Variants in PTPRK observed in about 807,000 individuals in gnomAD.
PTPRK encodes the protein receptor-type tyrosine-protein phosphatase kappa.
A neutral mutation model predicts 178.0 loss-of-function variants in PTPRK; 75 were observed. That is an observed-to-expected ratio of 0.42 (90% CI 0.35 to 0.51). PTPRK has a LOEUF of 0.51. PTPRK is among the 20% of genes least tolerant of loss of function. The pLI is 0.02. For missense variants in PTPRK, 1,441 were observed against 1,797.8 expected (o/e 0.80, Z 3.59); for synonymous variants, 637 against 620.6 (o/e 1.03, Z -0.39).
chr6:128,135,913 C>T (rs985094081), intron 7 of PTPRK, among the ~76,000 whole-genome samples: 3 of 151,924 alleles, frequency 2.0e-5, no homozygotes, highest in Non-Finnish European at 2.9e-5. Flanking sequence ...GTCAGATATA[C>T]CAATGAATAA....
chr6:128,130,329 T>C (rs924143775), intron 7 of PTPRK, among the ~76,000 whole-genome samples: 28 of 152,288 alleles, frequency 1.8e-4, no homozygotes, highest in Non-Finnish European at 3.2e-4. Flanking sequence ...AGCCTGCCTT[T>C]CTTCAAATCA....
intron 3 of PTPRK, among the ~76,000 whole-genome samples, chr6:128,292,103 G>A (rs7746709): frequency 0.053 from 8,019 of 152,074 alleles, 699 homozygotes; most frequent in African/African-American, 0.18. Context: ...AAATAAATCC[G>A]TAGGTATCAA....
intron 1 of PTPRK, among the ~76,000 whole-genome samples, chr6:128,496,846 C>A (rs991396509): frequency 3.9e-5 from 6 of 152,074 alleles, no homozygotes; most frequent in African/African-American, 7.2e-5. Context: ...ACTCTCATAA[C>A]ACAATTATTT....
At chr6:128,112,388 A>T (rs1790822425) in intron 7 of PTPRK, among the ~76,000 whole-genome samples, 1 of 152,108 alleles carries the variant, frequency 6.6e-6, no homozygotes, top group African/African-American at 2.4e-5. Context: ...AAAGACATTA[A>T]AAAGAAAAAT....
intron 1 of PTPRK, among the ~76,000 whole-genome samples, chr6:128,427,628 A>G (rs1028524894): frequency 1.3e-5 from 2 of 152,236 alleles, no homozygotes; most frequent in Admixed American, 6.5e-5. Context: ...TTCATTAAAT[A>G]CATTTAATGA....
At chr6:128,170,708 AACG>A (rs1349959327) in intron 7 of PTPRK, among the ~76,000 whole-genome samples, 3 of 151,974 alleles carry the variant, frequency 2.0e-5, no homozygotes, top group Non-Finnish European at 4.4e-5. Context: ...AAGAAATTAA[AACG>A]ACAATTCCTT....
intron 1 of PTPRK, among the ~76,000 whole-genome samples, chr6:128,407,633 CAAAAAA>C (rs56189580): frequency 1.8e-4 from 18 of 97,760 alleles, no homozygotes; most frequent in South Asian, 3.8e-4. Flanking sequence ...AAGACCCTAT[CAAAAAA>C]AAAAAAAAAA....
chr6:128,285,913 A>G (rs572605314), intron 3 of PTPRK, among the ~76,000 whole-genome samples: 2 of 152,234 alleles, frequency 1.3e-5, no homozygotes, highest in East Asian at 3.9e-4. Flanking sequence ...GGGCACCAGA[A>G]AGTTCTACTT....
intron 13 of PTPRK, among the ~76,000 whole-genome samples, chr6:128,052,817 A>G (rs1432130386): frequency 2.0e-5 from 3 of 152,018 alleles, no homozygotes; most frequent in Non-Finnish European, 4.4e-5. Context: ...GTGCTTTCCT[A>G]TTTTATTCAG....
chr6:128,038,387 C>T (rs1050207473), intron 13 of PTPRK, among the ~76,000 whole-genome samples: 8 of 151,938 alleles, frequency 5.3e-5, no homozygotes, highest in Admixed American at 2.0e-4. Context: ...TTTGCCTCTA[C>T]CAACTAGCTT....
At chr6:128,246,042 A>T (rs73592613) in intron 3 of PTPRK, among the ~76,000 whole-genome samples, 9,736 of 152,252 alleles carry the variant, frequency 0.064, 816 homozygotes, top group African/African-American at 0.19. Context: ...GGTGCTATCT[A>T]AACTAAAAGG....
At chr6:128,092,237 C>T (rs1787102802) in intron 7 of PTPRK, among the ~76,000 whole-genome samples, 1 of 152,090 alleles carries the variant, frequency 6.6e-6, no homozygotes, top group Admixed American at 6.5e-5. Context: ...TTGAAATTGA[C>T]ATTTTTTTCC....
At chr6:128,326,468 AAT>A (rs1829583155) in intron 2 of PTPRK, among the ~76,000 whole-genome samples, 1 of 152,190 alleles carries the variant, frequency 6.6e-6, no homozygotes, top group Non-Finnish European at 1.5e-5. Context: ...AATATTCAAT[AAT>A]CAGTAATTTG....
intron 11 of PTPRK, among the ~76,000 whole-genome samples, chr6:128,077,761 T>C (rs1275852039): frequency 6.6e-6 from 1 of 152,020 alleles, no homozygotes; most frequent in Admixed American, 6.6e-5. Context: ...ATTCATCTGA[T>C]TACAAATGTG....
At chr6:128,476,988 C>T (rs1396272776) in intron 1 of PTPRK, among the ~76,000 whole-genome samples, 1 of 151,752 alleles carries the variant, frequency 6.6e-6, no homozygotes, top group African/African-American at 2.4e-5. Flanking sequence ...TTTCCAAGCA[C>T]TTAATAAAGA....
At chr6:128,013,559 A>C (rs1445931939) in intron 13 of PTPRK, among the ~76,000 whole-genome samples, 1 of 151,462 alleles carries the variant, frequency 6.6e-6, no homozygotes, top group Non-Finnish European at 1.5e-5. Context: ...CTATCCATAC[A>C]GTTCTTCAAG....
chr6:128,298,606 A>C lies in PTPRK; in HGVS notation c.495+23433T>G, dbSNP rs868127640. ...ATGTAATCCAGCATATAAACAGAAC[A>C]AAAGACAAAAACCACATGATTATCT... On this transcript the variant is annotated intron_variant, in intron 3 of 29. Coordinates refer to ENST00000368226, the MANE Select transcript of PTPRK (RefSeq NM_002844.4). Among the ~76,000 whole-genome samples, 1,042 of 152,078 alleles carry C rather than the reference A, an allele frequency of 6.9e-3. 9 individuals carry two copies. Among genetic ancestry groups the C allele is most frequent in the African/African-American group, 0.024 (1,005 of 41,462 alleles).
At chr6:128,109,401 T>A (rs1238463539) in intron 7 of PTPRK, among the ~76,000 whole-genome samples, 1 of 152,192 alleles carries the variant, frequency 6.6e-6, no homozygotes, top group African/African-American at 2.4e-5. Context: ...ATATGTTAAA[T>A]GTGTTTTTAA....
intron 7 of PTPRK, among the ~76,000 whole-genome samples, chr6:128,171,619 C>A (rs1800268153): frequency 6.6e-6 from 1 of 151,896 alleles, no homozygotes; most frequent in African/African-American, 2.4e-5. Flanking sequence ...CTATTATGTA[C>A]TGTTTGTAAT....
Sources: gnomAD v4.1 joint callset for allele counts (sites outside exome capture counted in the v4.1 genomes callset) on GRCh38, gnomAD v4.1.1 for gene constraint, MANE v1.5 for transcripts, NCBI Gene and HGNC (gene_info 2026-07-23, HGNC 2026-07-21) for gene names.